HSF5: variants seen among roughly 807,000 people sequenced by gnomAD.
HSF5 encodes heat shock factor protein 5.
Under a neutral mutation model 50.8 loss-of-function variants are expected in HSF5, and 5 were observed. The ratio of observed to expected loss-of-function variants is 0.10; its 90% CI spans 0.05 to 0.21. The LOEUF is 0.21. Among genes scored for constraint, HSF5 ranks in the 10% least tolerant of loss-of-function variants. HSF5 has a pLI of 1.00. For synonymous variants in HSF5, 307 were observed against 307.4 expected (o/e 1.00, Z 0.02); for missense variants, 564 against 762.6 (o/e 0.74, Z 3.07).
At chr17:58,472,309 C>CA (rs34453039) in intron 2 of HSF5, among the ~76,000 whole-genome samples, 1 of 145,696 alleles carries the variant, frequency 6.9e-6, no homozygotes, top group East Asian at 2.0e-4. Flanking sequence ...TGTACCCCCC[C>CA]CAAAAAAAGT....
Position 58,466,952 on chromosome 17 carries a change from T to C in HSF5, c.953A>G (p.His318Arg). 1 of 1,611,280 alleles carries C rather than the reference T, an allele frequency of 6.2e-7. No homozygotes were observed. The highest frequency in any genetic ancestry group is 8.5e-7 in the Non-Finnish European group (1 of 1,177,480). Residue 318 changes from histidine to arginine, a missense_variant, in exon 3 of 6, where the codon CAC becomes CGC. Physicochemically the swap from His to Arg is conservative, Grantham distance 29 (BLOSUM62 0). This residue lies in a region of HSF5 where 441 missense variants were observed against 533.6 expected (regional missense o/e 0.83). Transcript: ENST00000323777. ...GACACAACTACTTAGAGCATCCATG[T>C]GGGTAGGAGAACAGCACTGTAGCAC... is the stretch of plus-strand genomic sequence containing the variant. ...TAVLQCCSPT[H>R]MDALSSCVTP...
intron 5 of HSF5, among the ~76,000 whole-genome samples, chr17:58,423,289 T>G (rs1447085324): frequency 6.6e-6 from 1 of 151,830 alleles, no homozygotes; most frequent in Non-Finnish European, 1.5e-5. Flanking sequence ...CCTCACACAG[T>G]GGTTCATTAA....
chr17:58,431,348 A>G (rs1974362827), intron 5 of HSF5, among the ~76,000 whole-genome samples: 1 of 152,220 alleles, frequency 6.6e-6, no homozygotes, highest in African/African-American at 2.4e-5. Context: ...TATGCTGAAC[A>G]CTGTAGGCAA....
In HSF5 at chr17:58,452,622, C is replaced by G. The variant is rs9890784; in HGVS notation, c.1720+6146G>C. On this transcript the variant is annotated intron_variant, in intron 5 of 5. Coordinates refer to ENST00000323777, the MANE Select transcript of HSF5 (RefSeq NM_001080439.3). ...GCCAGGAGTTTGAGACCAGCCTAGG[C>G]AACATAGCAAGACTTCATTCCTACA... Among the ~76,000 whole-genome samples, 1,383 of 152,336 alleles carry G rather than the reference C, an allele frequency of 9.1e-3. 25 individuals carry two copies. The highest frequency in any genetic ancestry group is 0.03 in the African/African-American group (1,266 of 41,582).
chr17:58,432,997 ACCATTCATTCATTCATTCATTCATTCATT>A (rs1974383942), intron 5 of HSF5, among the ~76,000 whole-genome samples: 1 of 141,930 alleles, frequency 7.0e-6, no homozygotes, highest in Non-Finnish European at 1.5e-5. Flanking sequence ...GACTAGAAGT[ACCATTCATTCATTCATTCATTCATTCATT>A]CATCTGAGAC....
intron 2 of HSF5, among the ~76,000 whole-genome samples, chr17:58,470,596 A>C (rs2080345371): frequency 6.6e-6 from 1 of 152,206 alleles, no homozygotes; most frequent in Non-Finnish European, 1.5e-5. Flanking sequence ...TTGTGAATAT[A>C]AGTAGTGTCA....
intron 2 of HSF5, chr17:58,477,020 C>G (rs1273860206): frequency 1.8e-6 from 1 of 563,768 alleles, no homozygotes; most frequent in Admixed American, 3.1e-5. Context: ...TTCCCCCTCA[C>G]GGCACACGCG....
chr17:58,442,298 C>G (rs1269365617), intron 5 of HSF5, among the ~76,000 whole-genome samples: 2 of 152,200 alleles, frequency 1.3e-5, no homozygotes, highest in African/African-American at 4.8e-5. Context: ...GCTATGTGAT[C>G]AAAGTCAAAG....
intron 5 of HSF5, among the ~76,000 whole-genome samples, chr17:58,450,538 G>A (rs574334164): frequency 4.6e-5 from 7 of 151,888 alleles, no homozygotes; most frequent in African/African-American, 1.7e-4. Flanking sequence ...TGGATCACCT[G>A]AGGTCGGGAG....
chr17:58,458,987 A>G (rs1974752911), intron 4 of HSF5, 42 bp from the exon 5 acceptor site: 2 of 1,532,070 alleles, frequency 1.3e-6, no homozygotes, highest in Non-Finnish European at 1.8e-6. Flanking sequence ...TTTCCTCCAA[A>G]TATCTGCTAA....
Position 58,462,943 on chromosome 17 carries a change from T to G in HSF5, c.1381A>C (p.Ile461Leu). The G allele has an allele frequency of 1.9e-6, 3 of 1,614,226 alleles. No individual in the cohort carries two copies. The South Asian group carries it at 3.3e-5, about 18-fold the overall frequency. ...GGCTGAGCTGTGTGGATGGTATAGA[T>G]GTACTCAGGTGACTGTGGTAGAGAG... ...ACSLPQSPEY[I>L]YTIHTAQPVE... The change falls in exon 4 of 6, where the codon ATC (isoleucine) becomes CTC (leucine). Residue 461 changes from isoleucine to leucine, a missense_variant. Ile to Leu is a conservative substitution (Grantham distance 5). Around this residue, in one of 5 missense-constraint regions of HSF5, gnomAD observed 441 missense variants for 533.6 expected, o/e 0.83. Coordinates refer to ENST00000323777, the MANE Select transcript of HSF5 (RefSeq NM_001080439.3).
chr17:58,471,440 G>A (rs1974941799), intron 2 of HSF5, among the ~76,000 whole-genome samples: 1 of 152,050 alleles, frequency 6.6e-6, no homozygotes, highest in Admixed American at 6.6e-5. Flanking sequence ...ATTGATGTAG[G>A]ATTAGAAGCA....
intron 2 of HSF5, among the ~76,000 whole-genome samples, chr17:58,468,782 G>T (rs1299826647): frequency 1.3e-5 from 2 of 151,964 alleles, no homozygotes; most frequent in Non-Finnish European, 2.9e-5. Context: ...GAAATAATGG[G>T]CAAAATTATA....
chr17:58,443,120 G>A (rs1974519307), intron 5 of HSF5, among the ~76,000 whole-genome samples: 1 of 152,038 alleles, frequency 6.6e-6, no homozygotes, highest in African/African-American at 2.4e-5. Flanking sequence ...TGTTAGCCAG[G>A]ATGGTCTCAA....
intron 5 of HSF5, among the ~76,000 whole-genome samples, chr17:58,427,180 T>C (rs1044968866): frequency 1.3e-5 from 2 of 152,136 alleles, no homozygotes; most frequent in Non-Finnish European, 2.9e-5. Context: ...GGCAGGAGGA[T>C]AGCTTGAGCC....
intron 2 of HSF5, among the ~76,000 whole-genome samples, chr17:58,477,251 C>T (rs1975028808): frequency 6.6e-6 from 1 of 151,266 alleles, no homozygotes; most frequent in South Asian, 2.1e-4. Context: ...TCCCGAGTAG[C>T]TGGGATTACA....
chr17:58,444,906 AATTGAAAAATGGGCAAAAGACTTG>A (rs1335621500), intron 5 of HSF5, among the ~76,000 whole-genome samples: 1 of 152,214 alleles, frequency 6.6e-6, no homozygotes, highest in Non-Finnish European at 1.5e-5. Context: ...CAAACAAACC[AATTGAAAAATGGGCAAAAGACTTG>A]AATATACATT....
intron 5 of HSF5, among the ~76,000 whole-genome samples, chr17:58,446,902 G>A (rs1231278084): frequency 6.6e-6 from 1 of 152,122 alleles, no homozygotes; most frequent in Non-Finnish European, 1.5e-5. Flanking sequence ...CGAGGAGGGC[G>A]GATCATGAGG....
intron 5 of HSF5, among the ~76,000 whole-genome samples, chr17:58,431,193 G>A (rs1371962652): frequency 6.6e-6 from 1 of 152,180 alleles, no homozygotes; most frequent in African/African-American, 2.4e-5. Context: ...ACGTGGAACT[G>A]TAAGTCTATT....
Sources: gnomAD v4.1 joint callset for allele counts (sites outside exome capture counted in the v4.1 genomes callset) on GRCh38, gnomAD v4.1.1 for gene constraint, gnomAD v4.1.1 regional missense constraint, MANE v1.5 for transcripts, NCBI Gene and HGNC (gene_info 2026-07-23, HGNC 2026-07-21) for gene names.